Variants in PAMR1 observed in about 807,000 individuals in gnomAD.
PAMR1 encodes the protein inactive serine protease PAMR1.
PAMR1 carries 88 observed loss-of-function variants against 81.8 expected under a neutral mutation model. The observed-to-expected ratio is 1.08, with a 90% CI of 0.91 to 1.28. The LOEUF is 1.28. PAMR1 is among the 50% of genes most tolerant of loss of function. The probability of loss-of-function intolerance (pLI) is 0.00; values close to 1 mark genes in which losing one functional copy is unlikely to be tolerated. For synonymous variants in PAMR1, 336 were observed against 345.3 expected (o/e 0.97, Z 0.30); for missense variants, 935 against 919.7 (o/e 1.02, Z -0.21).
At chr11:35,491,730 T>A (rs1218711143) in intron 3 of PAMR1, among the ~76,000 whole-genome samples, 1 of 152,214 alleles carries the variant, frequency 6.6e-6, no homozygotes, top group Non-Finnish European at 1.5e-5. Context: ...TTCTGAAGAC[T>A]TATTCACTGT....
intron 1 of PAMR1, among the ~76,000 whole-genome samples, chr11:35,520,892 G>T (rs1330621383): frequency 6.6e-6 from 1 of 152,186 alleles, no homozygotes; most frequent in Non-Finnish European, 1.5e-5. Flanking sequence ...CCTGTCATTA[G>T]GTCCCAGGCA....
intron 6 of PAMR1, among the ~76,000 whole-genome samples, chr11:35,460,364 T>C (rs1224487271): frequency 6.6e-6 from 1 of 152,000 alleles, no homozygotes; most frequent in Non-Finnish European, 1.5e-5. Flanking sequence ...CTAGGGTACA[T>C]GTGCACAACG....
chr11:35,504,935 G>C (rs1179680346), intron 1 of PAMR1, among the ~76,000 whole-genome samples: 2 of 151,364 alleles, frequency 1.3e-5, no homozygotes, highest in Non-Finnish European at 3.0e-5. Flanking sequence ...AGTTCCCTGA[G>C]GTGCATTGTT....
At chr11:35,522,967 T>C (rs1590405399) in intron 1 of PAMR1, among the ~76,000 whole-genome samples, 2 of 152,236 alleles carry the variant, frequency 1.3e-5, no homozygotes. Context: ...GAGGGACTCA[T>C]ACTAAAATAA....
At position 35,432,170 on chromosome 11, in the gene PAMR1, C is replaced by G. The variant is rs1048193; in HGVS notation, c.*186G>C. 93,087 of 603,614 alleles carry G rather than the reference C, an allele frequency of 0.15. 9,187 individuals carry two copies. The highest frequency in any genetic ancestry group is 0.38 in the African/African-American group (20,635 of 53,922). 37.4% of individuals were successfully genotyped at this position (603,614 alleles called of 1,614,324 possible). A position where few individuals can be genotyped will look rare whatever the true frequency, so the allele number is the denominator to read the frequency against. ...TCCAATTGGCTGTCCTAGTAGTGGA[C>G]GCGGCATCAGCCTACCAGCAATGGA... On this transcript the variant is annotated 3_prime_UTR_variant, in exon 11 of 11. Transcript: ENST00000619888.
chr11:35,445,230 A>C (rs1389464268), intron 6 of PAMR1, among the ~76,000 whole-genome samples: 1 of 152,118 alleles, frequency 6.6e-6, no homozygotes, highest in Non-Finnish European at 1.5e-5. Flanking sequence ...TCAGCTTAAG[A>C]AGCTTTTGGT....
chr11:35,459,594 G>C (rs1405495095), intron 6 of PAMR1, among the ~76,000 whole-genome samples: 1 of 152,118 alleles, frequency 6.6e-6, no homozygotes, highest in East Asian at 1.9e-4. Context: ...GTTTAGCCTT[G>C]GGGATGAAGA....
chr11:35,478,823 T>C (rs72922992), intron 3 of PAMR1, among the ~76,000 whole-genome samples: 6,139 of 152,002 alleles, frequency 0.04, 146 homozygotes, highest in Non-Finnish European at 0.063. Context: ...AAGAGGGGTA[T>C]AGGTGTGTGG....
At chr11:35,479,745 T>C (rs1287897860) in intron 3 of PAMR1, among the ~76,000 whole-genome samples, 2 of 152,336 alleles carry the variant, frequency 1.3e-5, no homozygotes, top group Non-Finnish European at 2.9e-5. Flanking sequence ...AAGAAGGGGC[T>C]CTGGGGCTGG....
chr11:35,483,338 T>C (rs1850437215), intron 3 of PAMR1, among the ~76,000 whole-genome samples: 1 of 152,232 alleles, frequency 6.6e-6, no homozygotes, highest in Non-Finnish European at 1.5e-5. Context: ...TGTGAGACTT[T>C]GAGACCACAA....
chr11:35,456,893 GTACAGAATA>G (rs1856544999), intron 6 of PAMR1, among the ~76,000 whole-genome samples: 1 of 152,204 alleles, frequency 6.6e-6, no homozygotes, highest in African/African-American at 2.4e-5. Flanking sequence ...ACACGTGTGT[GTACAGAATA>G]TCAATTCTTA....
intron 6 of PAMR1, among the ~76,000 whole-genome samples, chr11:35,466,308 C>T (rs1186301448): frequency 6.6e-6 from 1 of 152,182 alleles, no homozygotes; most frequent in Non-Finnish European, 1.5e-5. Context: ...TTCTATGTCT[C>T]TAGCAGTCAC....
intron 3 of PAMR1, among the ~76,000 whole-genome samples, chr11:35,475,203 T>A (rs1850264055): frequency 6.6e-6 from 1 of 152,152 alleles, no homozygotes; most frequent in Non-Finnish European, 1.5e-5. Context: ...TCCTCCACCA[T>A]CCAGGCAGGA....
chr11:35,451,800 T>C, intron 6 of PAMR1: 1 of 609,140 alleles, frequency 1.6e-6, no homozygotes, highest in Non-Finnish European at 3.0e-6. Context: ...ATTAGTGACT[T>C]TGTAAAAAAG....
At chr11:35,482,930 CA>C (rs1850425637) in intron 3 of PAMR1, among the ~76,000 whole-genome samples, 1 of 152,088 alleles carries the variant, frequency 6.6e-6, no homozygotes, top group African/African-American at 2.4e-5. Flanking sequence ...CTTTTCCTGT[CA>C]ATCTTTTAGT....
intron 6 of PAMR1, among the ~76,000 whole-genome samples, chr11:35,465,435 T>A (rs1044393686): frequency 6.6e-6 from 1 of 152,228 alleles, no homozygotes; most frequent in Non-Finnish European, 1.5e-5. Flanking sequence ...TTTGTTGGTA[T>A]CCTCATGAGG....
chr11:35,493,915 G>C (rs1284874184), intron 2 of PAMR1, among the ~76,000 whole-genome samples, 181 bp downstream of exon 2: 1 of 152,262 alleles, frequency 6.6e-6, no homozygotes, highest in African/African-American at 2.4e-5. Flanking sequence ...ACACTGAAAA[G>C]AGTACTGACT....
intron 6 of PAMR1, among the ~76,000 whole-genome samples, chr11:35,446,872 T>A (rs948227415): frequency 1.3e-5 from 2 of 152,244 alleles, no homozygotes; most frequent in African/African-American, 4.8e-5. Context: ...AGAGCTGAGT[T>A]CAAGTCCTGA....
At position 35,468,014 on chromosome 11, in the gene PAMR1, C is replaced by T. The variant is rs755409061; in HGVS notation, c.807G>A (p.Gln269=). The T allele has an allele frequency of 2.3e-5, 36 of 1,558,332 alleles. No individual in the cohort carries two copies. Among genetic ancestry groups the T allele is most frequent in the Non-Finnish European group, 3.1e-5 (36 of 1,148,734 alleles). ...KCACLAGYTG[Q]RCENLLEERN... ...AAGCATACTCACGATTTTCACAGCG[C>T]TGCCCAGTATAGCCTGCCAAGCAGG... is the stretch of plus-strand genomic sequence containing the variant. The change falls in exon 6 of 11, where the codon CAG becomes CAA. Residue 269 remains glutamine (Q), a synonymous_variant. Transcript: ENST00000619888.
Sources: gnomAD v4.1 joint callset for allele counts (sites outside exome capture counted in the v4.1 genomes callset) on GRCh38, gnomAD v4.1.1 for gene constraint, MANE v1.5 for transcripts, NCBI Gene and HGNC (gene_info 2026-07-23, HGNC 2026-07-21) for gene names.